NEK8: variants seen among roughly 807,000 people sequenced by gnomAD.
NEK8 encodes serine/threonine-protein kinase Nek8.
Under a neutral mutation model 77.2 loss-of-function variants are expected in NEK8, and 51 were observed. The observed-to-expected ratio is 0.66, with a 90% CI of 0.53 to 0.83. The LOEUF is 0.83. Among genes scored for constraint, NEK8 ranks in the 40% least tolerant of loss-of-function variants. The probability of loss-of-function intolerance (pLI) is 0.00; values close to 1 mark genes in which losing one functional copy is unlikely to be tolerated. For synonymous variants in NEK8, 365 were observed against 363.2 expected, an observed-to-expected ratio of 1.00 and a Z score of -0.06; for missense variants, 787 against 909.2, an observed-to-expected ratio of 0.87 and a Z score of 1.73.
chr17:28,729,932 G>A (rs2034290789), intron 1 of NEK8, among the ~76,000 whole-genome samples: 1 of 152,162 alleles, frequency 6.6e-6, no homozygotes, highest in African/African-American at 2.4e-5. Flanking sequence ...AGGAAATAGC[G>A]TATGTGAAAT....
At chr17:28,739,489 A>G (rs1247243279) in intron 10 of NEK8, among the ~76,000 whole-genome samples, 1 of 152,216 alleles carries the variant, frequency 6.6e-6, no homozygotes, top group South Asian at 2.1e-4. Flanking sequence ...TCGCTCTGTT[A>G]CCCAGGCTAG....
chr17:28,734,400 T>TGGCTCATGCCTGTA (rs1249875888), intron 2 of NEK8: 2 of 606,654 alleles, frequency 3.3e-6, no homozygotes, highest in Non-Finnish European at 5.9e-6. Context: ...CTGGGCACGG[T>TGGCTCATGCCTGTA]GGCTCATGCC....
intron 1 of NEK8, 57 bp from the exon 2 acceptor site, chr17:28,733,926 C>T (rs2034334698): frequency 1.4e-6 from 2 of 1,476,272 alleles, no homozygotes; most frequent in Admixed American, 3.4e-5. Flanking sequence ...CACCGCCCTG[C>T]CTGATATGTG....
rs902024421 is a variant in NEK8 at position 28,735,483 on chromosome 17, A to G, written c.618+112A>G. The G allele has an allele frequency of 3.3e-6, 4 of 1,228,052 alleles. No homozygotes were observed. The African/African-American group carries it at 6.0e-5, about 18-fold the overall frequency. The allele number at this position is 1,228,052 out of a possible 1,614,324, so 76.1% of individuals were successfully genotyped here. A position where few individuals can be genotyped will look rare whatever the true frequency, so the allele number is the denominator to read the frequency against. ...TCTAGCTGAGTCATGTCTCTCCCTT[A>G]TCAGATTACCCCAGGGGAGGGCTAT... On this transcript the variant is annotated intron_variant, in intron 4 of 14. Transcript: ENST00000268766.
Position 28,741,927 on chromosome 17 carries a change from A to G in NEK8, c.2051-32A>G. 1 of 1,613,788 alleles carries G rather than the reference A, an allele frequency of 6.2e-7. No homozygotes were observed. Among genetic ancestry groups the G allele is most frequent in the Non-Finnish European group, 8.5e-7 (1 of 1,179,698 alleles). ...GATTTCTGGAGGCACTGCCCTCAGA[A>G]GCTGCAAGGGTTTCTCTTCGGTACC... On this transcript the variant is annotated intron_variant, in intron 14 of 14. Transcript: ENST00000268766. The surrounding 1 kb of genome is among the most constrained non-coding windows in gnomAD (Gnocchi z 4.5).
chr17:28,730,260 G>T (rs193282837), intron 1 of NEK8, among the ~76,000 whole-genome samples: 1 of 143,884 alleles, frequency 7.0e-6, no homozygotes, highest in African/African-American at 2.6e-5. Context: ...ACAGGCACAC[G>T]CCACAACAAC....
At position 28,735,084 on chromosome 17, in the gene NEK8, T is replaced by TA. The variant is rs989770897; in HGVS notation, c.486+86dup. The TA allele has an allele frequency of 4.0e-6, 6 of 1,512,054 alleles. No individual in the cohort carries two copies. The African/African-American group carries it at 6.9e-5, about 17-fold the overall frequency. 93.7% of individuals were successfully genotyped at this position (1,512,054 alleles called of 1,614,324 possible). A position where few individuals can be genotyped will look rare whatever the true frequency, so the allele number is the denominator to read the frequency against. Reference sequence around the variant, plus strand: ...CTAACCCTGCCTCCTCCCCTCCCCCTAAAAAACCCTTGGCCCTTTGGCCCC... The same window carrying TA: ...CTAACCCTGCCTCCTCCCCTCCCCCTAAAAAAACCCTTGGCCCTTTGGCCCC... On this transcript the variant is annotated intron_variant, in intron 3 of 14. Coordinates refer to ENST00000268766, the MANE Select transcript of NEK8 (RefSeq NM_178170.3).
At position 28,738,209 on chromosome 17, in the gene NEK8, G is replaced by A. The variant is rs145862009; in HGVS notation, c.1186G>A (p.Val396Met). ...EGQSGVTIKHVACGDFFTACL... is the reference protein window; with the variant it reads ...EGQSGVTIKHMACGDFFTACL... ...CCAGTCGGGTGTGACCATCAAGCAC[G>A]TGGCCTGTGGGGACTTCTTCACTGC... Residue 396 changes from valine (V) to methionine (M), a missense_variant, in exon 8 of 15, where the codon GTG (valine) becomes ATG (methionine). Physicochemically the swap from Val to Met is conservative, Grantham distance 21. Around this residue, in one of 2 missense-constraint regions of NEK8, gnomAD observed 516 missense variants for 544.0 expected, o/e 0.95. Transcript: ENST00000268766. The A allele has an allele frequency of 1.6e-5, 26 of 1,614,054 alleles. No homozygotes were observed. Among genetic ancestry groups the A allele is most frequent in the East Asian group, 2.2e-5 (1 of 44,890 alleles).
rs139477128 is a variant in NEK8, at chr17:28,729,571, C to T, written c.47+711C>T. ...TTTTTTTTTTTGAGGCAGTCTCACT[C>T]TGTCGCAGTGGCGCGATCTCGAGTG... On this transcript the variant is annotated intron_variant, in intron 1 of 14. Transcript: ENST00000268766. 4.6e-3 allele frequency among the ~76,000 whole-genome samples: 597 copies of T among 129,584 alleles called. 1 individual carries two copies. Among genetic ancestry groups the T allele is most frequent in the Middle Eastern group, 0.029 (5 of 174 alleles). 85.0% of individuals were successfully genotyped at this position (129,584 alleles called of 152,430 possible).
rs753074302 is a variant in NEK8, at chr17:28,740,445, C to G, written c.1418-18C>G. 1 of 1,613,982 alleles carries G rather than the reference C, an allele frequency of 6.2e-7. No individual in the cohort carries two copies. The highest frequency in any genetic ancestry group is 8.5e-7 in the Non-Finnish European group (1 of 1,179,892). On this transcript the variant is annotated intron_variant, in intron 10 of 14. Transcript: ENST00000268766. This position sits in a 1 kb window ranked among gnomAD's most constrained non-coding sequence, Gnocchi z 4.7. ...CCACTAAAGCTCAAATTAACTCCTTCTGGGTTTCTTCTTGTAGGCAGACTG... is the reference window on the plus strand; with the variant it reads ...CCACTAAAGCTCAAATTAACTCCTTGTGGGTTTCTTCTTGTAGGCAGACTG...
chr17:28,737,283 T>C lies in NEK8; in HGVS notation c.619-23T>C, dbSNP rs1161412026. 1 of 1,593,856 alleles carries C rather than the reference T, an allele frequency of 6.3e-7. No homozygotes were observed. Among genetic ancestry groups the C allele is most frequent in the Non-Finnish European group, 8.5e-7 (1 of 1,170,612 alleles). On this transcript the variant is annotated intron_variant, in intron 4 of 14. Coordinates refer to ENST00000268766, the MANE Select transcript of NEK8 (RefSeq NM_178170.3). This position sits in a 1 kb window ranked among gnomAD's most constrained non-coding sequence, Gnocchi z 4.8. ...GGGGTGCTGCCCTCACTTCCCCAAATTCTCAACCTGGTGCCTTCACAGAAC... is the reference window on the plus strand; with the variant it reads ...GGGGTGCTGCCCTCACTTCCCCAAACTCTCAACCTGGTGCCTTCACAGAAC...
Position 28,740,639 on chromosome 17 carries a change from C to G in NEK8, c.1568+26C>G, listed in dbSNP as rs754587891. On this transcript the variant is annotated intron_variant, in intron 11 of 14. Transcript: ENST00000268766. The surrounding 1 kb of genome is among the most constrained non-coding windows in gnomAD (Gnocchi z 4.7). ...GTGAATAGATCATCAGGATGACTAACCTGCCCCTGGCTCTCCTTGGCTGCA... is the reference window on the plus strand; with the variant it reads ...GTGAATAGATCATCAGGATGACTAAGCTGCCCCTGGCTCTCCTTGGCTGCA... The G allele has an allele frequency of 3.1e-6, 5 of 1,613,552 alleles. No individual in the cohort carries two copies. In the African/African-American group the frequency reaches 5.3e-5, roughly 17 times the overall value.
In NEK8 at chr17:28,737,338, T is replaced by A; in HGVS notation, c.651T>A (p.Ser217Arg). Residue 217 changes from serine (S) to arginine (R), a missense_variant, in exon 5 of 15, where the codon AGT (serine) becomes AGA (arginine). By Grantham distance (110) the Ser-to-Arg change is moderately radical. Coordinates refer to ENST00000268766, the MANE Select transcript of NEK8 (RefSeq NM_178170.3). This position sits in a 1 kb window ranked among gnomAD's most constrained non-coding sequence, Gnocchi z 4.8. ...NLPALVLKIM[S>R]GTFAPISDRY... Reference sequence around the variant, plus strand: ...CAGCACTGGTGCTGAAGATCATGAGTGGCACCTTTGCACCTATCTCTGACC... The same window carrying A: ...CAGCACTGGTGCTGAAGATCATGAGAGGCACCTTTGCACCTATCTCTGACC... 1.2e-6 allele frequency: 2 copies of A among 1,613,758 alleles called. No homozygotes were observed. Among genetic ancestry groups the A allele is most frequent in the South Asian group, 1.1e-5 (1 of 91,048 alleles).
chr17:28,732,554 T>C (rs1024324344), intron 1 of NEK8, among the ~76,000 whole-genome samples: 3 of 136,678 alleles, frequency 2.2e-5, no homozygotes, highest in African/African-American at 5.5e-5. Context: ...TCTTTTTTTT[T>C]TTTTTTTTTT....
rs567547365 is a variant in NEK8, at chr17:28,740,113, G to A, written c.1418-350G>A. ...AGCCTGGCCAACATGGTAAAACCCC[G>A]TCTCTACTAAAAATAAAAAAATTAG... On this transcript the variant is annotated intron_variant, in intron 10 of 14. Coordinates refer to ENST00000268766, the MANE Select transcript of NEK8 (RefSeq NM_178170.3). The surrounding 1 kb of genome is among the most constrained non-coding windows in gnomAD (Gnocchi z 4.7). Among the ~76,000 whole-genome samples, 1 of 151,894 alleles carries A rather than the reference G, an allele frequency of 6.6e-6. No individual in the cohort carries two copies. The highest frequency in any genetic ancestry group is 1.5e-5 in the Non-Finnish European group (1 of 67,968).
intron 2 of NEK8, chr17:28,734,472 G>T (rs553832604): frequency 7.1e-6 from 4 of 561,122 alleles, no homozygotes; most frequent in Admixed American, 6.2e-5. Context: ...TCAGGAGATC[G>T]AGACCATCCT....
intron 9 of NEK8, 72 bp downstream of exon 9, chr17:28,738,819 C>A: frequency 8.0e-7 from 1 of 1,244,180 alleles, no homozygotes; most frequent in South Asian, 1.2e-5. Flanking sequence ...GAGTTGACAC[C>A]AGATTGGGGG....
Position 28,741,703 on chromosome 17 carries a change from G to T in NEK8, c.2050+132G>T. Reference sequence around the variant, plus strand: ...CCCAGATAAAAAAAGCAGAAGCTGCGGTTGAAAAGCTTCAAGCTTCCTGCC... The same window carrying T: ...CCCAGATAAAAAAAGCAGAAGCTGCTGTTGAAAAGCTTCAAGCTTCCTGCC... On this transcript the variant is annotated intron_variant, in intron 14 of 14. Transcript: ENST00000268766. The surrounding 1 kb of genome is among the most constrained non-coding windows in gnomAD (Gnocchi z 4.5). The T allele has an allele frequency of 2.4e-6, 3 of 1,234,776 alleles. No individual in the cohort carries two copies. Among genetic ancestry groups the T allele is most frequent in the Middle Eastern group, 1.9e-4 (1 of 5,198 alleles). The allele number at this position is 1,234,776 out of a possible 1,614,324, so 76.5% of individuals were successfully genotyped here.
intron 1 of NEK8, among the ~76,000 whole-genome samples, chr17:28,729,103 A>T (rs1567757582): frequency 6.6e-6 from 1 of 152,250 alleles, no homozygotes; most frequent in Non-Finnish European, 1.5e-5. Context: ...TCGTTCAACA[A>T]ATACTGAGTG....
Sources: allele counts gnomAD v4.1 joint callset (sites outside exome capture counted in the v4.1 genomes callset), GRCh38; gene constraint gnomAD v4.1.1; regional missense constraint gnomAD v4.1.1; non-coding constraint Gnocchi (gnomAD v3.1); transcripts MANE v1.5; gene names NCBI Gene and HGNC (gene_info 2026-07-23, HGNC 2026-07-21).